TMEM131L: variants seen among roughly 807,000 people sequenced by gnomAD.
The protein encoded by TMEM131L is transmembrane protein 131-like.
A neutral mutation model predicts 192.2 loss-of-function variants in TMEM131L; 54 were observed. The ratio of observed to expected loss-of-function variants is 0.28; its 90% confidence interval spans 0.23 to 0.35. The LOEUF (loss-of-function observed/expected upper bound fraction) is 0.35. TMEM131L is among the 10% of genes least tolerant of loss of function. TMEM131L has a pLI of 1.00. For synonymous variants in TMEM131L, 701 were observed against 704.9 expected (o/e 0.99, Z 0.09); for missense variants, 1,888 against 1,972.9 (o/e 0.96, Z 0.82).
chr4:153,541,309 A>T (rs748853892), intron 3 of TMEM131L, among the ~76,000 whole-genome samples: 1 of 152,242 alleles, frequency 6.6e-6, no homozygotes, highest in Non-Finnish European at 1.5e-5. Context: ...GTAAATATGT[A>T]AATATAATAA....
At chr4:153,631,132 T>A (rs1481124558) in intron 31 of TMEM131L, among the ~76,000 whole-genome samples, 1 of 152,228 alleles carries the variant, frequency 6.6e-6, no homozygotes, top group Non-Finnish European at 1.5e-5. Flanking sequence ...TCCTTTTCAG[T>A]TCTGCATGGT....
chr4:153,541,776 A>G lies in TMEM131L; in HGVS notation c.240-8297A>G, dbSNP rs577053333. Among the ~76,000 whole-genome samples, 189 of 152,374 alleles carry G rather than the reference A, an allele frequency of 1.2e-3. 2 individuals carry two copies. Among genetic ancestry groups the G allele is most frequent in the Non-Finnish European group, 6.2e-4 (42 of 68,038 alleles). Reference sequence around the variant, plus strand: ...AGGCCCAGAAACCAAGCCGGCAAAAAGAGGGATTAGCAGCTAGAGCCACAG... The same window carrying G: ...AGGCCCAGAAACCAAGCCGGCAAAAGGAGGGATTAGCAGCTAGAGCCACAG... On this transcript the variant is annotated intron_variant, in intron 3 of 34. Coordinates refer to ENST00000409959, the MANE Select transcript of TMEM131L (RefSeq NM_001131007.2).
Position 153,602,154 on chromosome 4 carries a change from C to CTG in TMEM131L, c.2270_2271dup (p.Lys758Ter). 6.4e-7 allele frequency: 1 copy of CTG among 1,566,276 alleles called. No individual in the cohort carries two copies. Among genetic ancestry groups the CTG allele is most frequent in the Non-Finnish European group, 8.7e-7 (1 of 1,149,328 alleles). ...TATCTTTTTTTGGTTCCCATTAGAACTGAAAGACAGTAAGCAAATTTTATC... is the reference window on the plus strand; with the variant it reads ...TATCTTTTTTTGGTTCCCATTAGAACTGTGAAAGACAGTAAGCAAATTTTATC... On this transcript the variant is annotated frameshift_variant, in exon 22 of 35. Transcript: ENST00000409959. LOFTEE classifies it high-confidence loss of function.
chr4:153,602,128 A>G (rs755546616), intron 21 of TMEM131L, 24 bp from the exon 22 acceptor site: 25 of 1,364,936 alleles, frequency 1.8e-5, no homozygotes, highest in East Asian at 1.2e-4. Context: ...CATATACTAA[A>G]TATCTTTTTT....
intron 3 of TMEM131L, among the ~76,000 whole-genome samples, chr4:153,478,033 A>C (rs1407709288): frequency 6.6e-6 from 1 of 152,230 alleles, no homozygotes; most frequent in Non-Finnish European, 1.5e-5. Context: ...CAGTCTGATC[A>C]ACCTTAATTT....
At chr4:153,626,267 A>G (rs1160508324) in intron 30 of TMEM131L, 42 bp downstream of exon 30, 21 of 1,234,966 alleles carry the variant, frequency 1.7e-5, no homozygotes, top group East Asian at 2.3e-5. Context: ...TGTTTTGTGT[A>G]CTGCTTTTTC....
intron 3 of TMEM131L, among the ~76,000 whole-genome samples, chr4:153,526,051 G>C (rs868375586): frequency 4.0e-5 from 6 of 151,730 alleles, no homozygotes; most frequent in African/African-American, 1.5e-4. Flanking sequence ...TAGAGATGGG[G>C]TTTCACCATG....
At chr4:153,618,767 C>G (rs1001708226) in intron 26 of TMEM131L, among the ~76,000 whole-genome samples, 1 of 152,022 alleles carries the variant, frequency 6.6e-6, no homozygotes, top group Non-Finnish European at 1.5e-5. Flanking sequence ...GTCCTTCTCT[C>G]TCTGGGATCC....
At chr4:153,619,936 A>C (rs1733270593) in intron 26 of TMEM131L, among the ~76,000 whole-genome samples, 1 of 152,200 alleles carries the variant, frequency 6.6e-6, no homozygotes, top group African/African-American at 2.4e-5. Flanking sequence ...CACACTGAAG[A>C]GTTGTGTCTT....
intron 31 of TMEM131L, among the ~76,000 whole-genome samples, chr4:153,630,561 C>T (rs1578907838): frequency 6.6e-6 from 1 of 152,250 alleles, no homozygotes; most frequent in Non-Finnish European, 1.5e-5. Context: ...GTAACAACCA[C>T]GGCCAGTGAG....
intron 3 of TMEM131L, among the ~76,000 whole-genome samples, chr4:153,549,032 A>C (rs947137322): frequency 3.9e-5 from 6 of 152,066 alleles, no homozygotes; most frequent in Non-Finnish European, 8.8e-5. Context: ...TGATGCTATC[A>C]TAGCTTACTG....
Position 153,564,287 on chromosome 4 carries a change from CAAAAAAAA to C in TMEM131L, c.660+5939_660+5946del, listed in dbSNP as rs1178320668. 5.1e-3 allele frequency among the ~76,000 whole-genome samples: 90 copies of C among 17,648 alleles called. 1 individual carries two copies. The South Asian group carries it at 0.056, about 11-fold the overall frequency. 11.6% of individuals were successfully genotyped at this position (17,648 alleles called of 152,430 possible). Reference sequence around the variant, plus strand: ...CTGGGAGACGAGCAAAACTCCGTCTCAAAAAAAAAAAAAAAAAAAAAAAAAAAGGCCCA... The same window carrying C: ...CTGGGAGACGAGCAAAACTCCGTCTCAAAAAAAAAAAAAAAAAAAGGCCCA... On this transcript the variant is annotated intron_variant, in intron 7 of 34. Transcript: ENST00000409959.
chr4:153,546,270 T>C lies in TMEM131L; in HGVS notation c.240-3803T>C, dbSNP rs147024560. Among the ~76,000 whole-genome samples, 386 of 150,950 alleles carry C rather than the reference T, an allele frequency of 2.6e-3. 1 individual carries two copies. Among genetic ancestry groups the C allele is most frequent in the African/African-American group, 8.8e-3 (363 of 41,056 alleles). On this transcript the variant is annotated intron_variant, in intron 3 of 34. Transcript: ENST00000409959. Reference sequence around the variant, plus strand: ...ATGGAGAAGGGGTGAAAATTAGAAATATGTGGCATAAATTTATCATTGATT... The same window carrying C: ...ATGGAGAAGGGGTGAAAATTAGAAACATGTGGCATAAATTTATCATTGATT...
chr4:153,603,753 G>A (rs1407113145), intron 24 of TMEM131L, 49 bp from the exon 25 acceptor site: 2 of 1,528,972 alleles, frequency 1.3e-6, no homozygotes, highest in Non-Finnish European at 1.8e-6. Context: ...GACAAGTAGA[G>A]TTTGATTTGA....
At chr4:153,501,987 T>C (rs1003713974) in intron 3 of TMEM131L, among the ~76,000 whole-genome samples, 9 of 147,334 alleles carry the variant, frequency 6.1e-5, no homozygotes, top group Middle Eastern at 3.2e-3. Context: ...AGAGTCTTGC[T>C]GTTACCCAGG....
chr4:153,567,746 T>G (rs1268292172), intron 7 of TMEM131L, among the ~76,000 whole-genome samples: 1 of 152,162 alleles, frequency 6.6e-6, no homozygotes, highest in African/African-American at 2.4e-5. Flanking sequence ...TTTCACCACG[T>G]TGGCCTGGCT....
intron 31 of TMEM131L, among the ~76,000 whole-genome samples, chr4:153,628,906 C>T (rs1578904132): frequency 1.3e-5 from 2 of 152,186 alleles, no homozygotes; most frequent in Non-Finnish European, 2.9e-5. Context: ...TGACAGAGTA[C>T]ATCTTGTCTG....
intron 19 of TMEM131L, among the ~76,000 whole-genome samples, 170 bp downstream of exon 19, chr4:153,594,041 C>T (rs377418840): frequency 2.0e-5 from 3 of 152,102 alleles, no homozygotes; most frequent in East Asian, 1.9e-4. Context: ...TTAACTAGTG[C>T]GGTAGGAGCT....
Position 153,604,211 on chromosome 4 carries a change from T to G in TMEM131L, c.3199T>G (p.Phe1067Val), listed in dbSNP as rs199914177. 4 of 1,614,096 alleles carry G rather than the reference T, an allele frequency of 2.5e-6. No homozygotes were observed. Residue 1067 changes from phenylalanine (F) to valine (V), a missense_variant, in exon 25 of 35, where the codon TTC becomes GTC. By Grantham distance (50) the Phe-to-Val change is conservative. Transcript: ENST00000409959. Reference protein sequence around the residue: ...EENTLKNTIVFSNPSSECSMK... With the variant: ...EENTLKNTIVVSNPSSECSMK... ...AAACACACTGAAAAACACAATTGTT[T>G]TCAGTAATCCTTCTTCAGAATGTAG...
Sources: gnomAD v4.1 joint callset for allele counts (sites outside exome capture counted in the v4.1 genomes callset) on GRCh38, gnomAD v4.1.1 for gene constraint, MANE v1.5 for transcripts, NCBI Gene and HGNC (gene_info 2026-07-23, HGNC 2026-07-21) for gene names.